Variants in ATXN2 observed in about 807,000 individuals in gnomAD.
The protein encoded by ATXN2 is ataxin 2.
Under a neutral mutation model 138.6 loss-of-function variants are expected in ATXN2, and 37 were observed. The ratio of observed to expected loss-of-function variants is 0.27; its 90% CI spans 0.21 to 0.35. ATXN2 has a LOEUF of 0.35. Ranked by LOEUF, ATXN2 falls within the 10% of genes least tolerant of loss-of-function variation. The pLI, the probability that ATXN2 is intolerant of heterozygous loss-of-function variation, is 1.00. For synonymous variants in ATXN2, 549 were observed against 543.7 expected, an observed-to-expected ratio of 1.01 and a Z score of -0.13; for missense variants, 1,216 against 1,480.3, an observed-to-expected ratio of 0.82 and a Z score of 2.93.
chr12:111,599,542 G>A (rs576578232), upstream of ATXN2: 3 of 1,198,966 alleles, frequency 2.5e-6, no homozygotes, highest in Non-Finnish European at 3.1e-6. Flanking sequence ...GAGGCGCCGG[G>A]TGGGAGCGGA....
chr12:111,582,936 G>T (rs1253555552), intron 1 of ATXN2, among the ~76,000 whole-genome samples: 1 of 150,556 alleles, frequency 6.6e-6, no homozygotes, highest in Non-Finnish European at 1.5e-5. Flanking sequence ...CCAAAGTGCT[G>T]GGATTACAGG....
intron 1 of ATXN2, chr12:111,564,991 G>A (rs1434216081): frequency 2.0e-5 from 3 of 152,148 alleles, no homozygotes; most frequent in Non-Finnish European, 2.9e-5. Flanking sequence ...CCAAAGTGCT[G>A]GGATTACAGG....
At position 111,566,643 on chromosome 12, in the gene ATXN2, T is replaced by G. The variant is rs549989692; in HGVS notation, c.252-10724A>C. 1.1e-3 allele frequency among the ~76,000 whole-genome samples: 167 copies of G among 151,450 alleles called. 1 individual carries two copies. Among genetic ancestry groups the G allele is most frequent in the South Asian group, 2.3e-3 (11 of 4,796 alleles). ...TTTTAGAGGAAATTGCTTTTCTTTT[T>G]TTTTTTTTTTAAGATAGAGTTTCGC... On this transcript the variant is annotated intron_variant, in intron 1 of 24. Coordinates refer to ENST00000673436, the MANE Select transcript of ATXN2 (RefSeq NM_001372574.1).
At position 111,598,947 on chromosome 12, in the gene ATXN2, GCGGC is replaced by G; in HGVS notation, c.84_87del (p.Gln28HisfsTer17). The G allele has an allele frequency of 7.0e-7, 1 of 1,423,980 alleles. No individual in the cohort carries two copies. Among genetic ancestry groups the G allele is most frequent in the Non-Finnish European group, 9.2e-7 (1 of 1,092,234 alleles). The allele number at this position is 1,423,980 out of a possible 1,614,324, so 88.2% of individuals were successfully genotyped here. A position where few individuals can be genotyped will look rare whatever the true frequency, so the allele number is the denominator to read the frequency against. On this transcript the variant is annotated frameshift_variant, in exon 1 of 25. Coordinates refer to ENST00000673436, the MANE Select transcript of ATXN2 (RefSeq NM_001372574.1). LOFTEE classifies it high-confidence loss of function. The surrounding 1 kb of genome is among the most constrained non-coding windows in gnomAD (Gnocchi z 4.5). ...TTGCGGACATTGGCAGCCGCGGGCG[GCGGC>G]TGCTGCTGCTGCTGCTGCTGCTGCT...
chr12:111,599,225 AGACCAAGGAGCCGCCGG>A lies in ATXN2; in HGVS notation c.-208_-192del. 1.7e-6 allele frequency: 2 copies of A among 1,196,850 alleles called. No homozygotes were observed. The highest frequency in any genetic ancestry group is 2.1e-6 in the Non-Finnish European group (2 of 967,198). The allele number at this position is 1,196,850 out of a possible 1,614,324, so 74.1% of individuals were successfully genotyped here. The stretch of plus-strand genomic sequence containing the variant: ...GACGAAGGGGCGGGGAGGCCCGCCG[AGACCAAGGAGCCGCCGG>A]GAGCCGGGCCGAAACGCGCCGCCGC... On this transcript the variant is annotated 5_prime_UTR_variant, in exon 1 of 25. Coordinates refer to ENST00000673436, the MANE Select transcript of ATXN2 (RefSeq NM_001372574.1).
At chr12:111,497,192 G>A (rs1365135335) in intron 14 of ATXN2, among the ~76,000 whole-genome samples, 3 of 152,030 alleles carry the variant, frequency 2.0e-5, no homozygotes, top group Non-Finnish European at 2.9e-5. Flanking sequence ...ACAATAACAA[G>A]TAACGAGACC....
intron 5 of ATXN2, among the ~76,000 whole-genome samples, chr12:111,547,915 G>A (rs1348417893): frequency 6.8e-6 from 1 of 147,050 alleles, no homozygotes; most frequent in Non-Finnish European, 1.5e-5. Context: ...CTTACTGGCT[G>A]GGCACAGTGG....
At chr12:111,503,099 G>T (rs973624761) in intron 14 of ATXN2, among the ~76,000 whole-genome samples, 1 of 152,140 alleles carries the variant, frequency 6.6e-6, no homozygotes, top group African/African-American at 2.4e-5. Flanking sequence ...AAAGCTATCA[G>T]CACTCTGCAT....
chr12:111,582,892 T>C (rs1453831392), intron 1 of ATXN2, among the ~76,000 whole-genome samples: 2 of 151,798 alleles, frequency 1.3e-5, no homozygotes, highest in African/African-American at 4.8e-5. Context: ...ACGGTCTCGA[T>C]CTCCTGACCT....
chr12:111,483,752 G>A (rs1877439955), intron 18 of ATXN2, among the ~76,000 whole-genome samples: 1 of 151,948 alleles, frequency 6.6e-6, no homozygotes, highest in Non-Finnish European at 1.5e-5. Flanking sequence ...TACATTATAC[G>A]ACAACTCCCT....
rs1481988031 is a variant in ATXN2 at position 111,555,913 on chromosome 12, T to A, written c.258A>T (p.Arg86=). The part of the protein sequence containing the change: ...GGGRPGLGRG[R]NSNKGLPQST... ...ACTGAGGCAGTCCTTTGTTACTGTT[T>A]CGACCTCTGAAAAGATTAAATATTA... Residue 86 remains arginine (R), a synonymous_variant, in exon 2 of 25, where the codon CGA becomes CGT. Transcript: ENST00000673436. The A allele has an allele frequency of 3.1e-6, 5 of 1,601,066 alleles. No homozygotes were observed. The highest frequency in any genetic ancestry group is 4.3e-6 in the Non-Finnish European group (5 of 1,174,494).
rs749408057 is a variant in ATXN2, at chr12:111,488,818, T to G, written c.1936-38A>C. On this transcript the variant is annotated intron_variant, in intron 14 of 24. Coordinates refer to ENST00000673436, the MANE Select transcript of ATXN2 (RefSeq NM_001372574.1). ...AACAATTATACTTAAATATCTTAAA[T>G]AACTTTAGTAATACATTTTTGCCAT... 2.0e-6 allele frequency: 3 copies of G among 1,481,046 alleles called. No homozygotes were observed. In the South Asian group the frequency reaches 3.8e-5, roughly 19 times the overall value. 91.7% of individuals were successfully genotyped at this position (1,481,046 alleles called of 1,614,324 possible).
chr12:111,496,631 T>G (rs988845692), intron 14 of ATXN2, among the ~76,000 whole-genome samples: 1 of 152,108 alleles, frequency 6.6e-6, no homozygotes, highest in East Asian at 1.9e-4. Flanking sequence ...AATATGCTCC[T>G]GAATGACCAG....
At chr12:111,572,460 AG>A (rs1210837491) in intron 1 of ATXN2, among the ~76,000 whole-genome samples, 1 of 152,022 alleles carries the variant, frequency 6.6e-6, no homozygotes, top group Non-Finnish European at 1.5e-5. Context: ...GCCTTGGATT[AG>A]GTCATAGAAA....
intron 18 of ATXN2, among the ~76,000 whole-genome samples, chr12:111,484,143 A>G (rs1877468074): frequency 6.6e-6 from 1 of 152,200 alleles, no homozygotes; most frequent in Non-Finnish European, 1.5e-5. Context: ...TCTGCTTCAA[A>G]AGAAATTCTG....
At chr12:111,530,801 G>A (rs1458450831) in intron 5 of ATXN2, among the ~76,000 whole-genome samples, 2 of 151,240 alleles carry the variant, frequency 1.3e-5, no homozygotes, top group African/African-American at 4.9e-5. Flanking sequence ...ACAACAGAGC[G>A]AGACTCCATC....
chr12:111,463,348 G>A (rs371615335), intron 21 of ATXN2, among the ~76,000 whole-genome samples: 5 of 152,112 alleles, frequency 3.3e-5, no homozygotes, highest in East Asian at 1.9e-4. Flanking sequence ...AGGCCTGAGT[G>A]CAGTGGTACA....
Position 111,561,954 on chromosome 12 carries a change from G to A in ATXN2, c.252-6035C>T, listed in dbSNP as rs1158552604. ...AGCCTCCCGAGTAGCTGGGACTACA[G>A]GCGTGTGCCACCATGCCCAGTTAAT... On this transcript the variant is annotated intron_variant, in intron 1 of 24. Transcript: ENST00000673436. Among the ~76,000 whole-genome samples the A allele has an allele frequency of 5.5e-4, 84 of 151,764 alleles. 1 individual carries two copies. Among genetic ancestry groups the A allele is most frequent in the Non-Finnish European group, 1.5e-5 (1 of 67,956 alleles).
intron 15 of ATXN2, among the ~76,000 whole-genome samples, chr12:111,487,111 C>T (rs940158864): frequency 2.6e-5 from 4 of 152,038 alleles, no homozygotes; most frequent in African/African-American, 9.7e-5. Context: ...CAGAGTCCCA[C>T]TCTGTTGCTC....
Sources: gnomAD v4.1 joint callset for allele counts (sites outside exome capture counted in the v4.1 genomes callset) on GRCh38, gnomAD v4.1.1 for gene constraint, Gnocchi (gnomAD v3.1) non-coding constraint, MANE v1.5 for transcripts, NCBI Gene and HGNC (gene_info 2026-07-23, HGNC 2026-07-21) for gene names.